The following EIF2B2 variants were observed in gnomAD, a reference collection of about 807,000 sequenced individuals.
EIF2B2 encodes the protein eukaryotic translation initiation factor 2B subunit beta, also known as translation initiation factor eIF2B subunit beta.
Under a neutral mutation model 34.7 loss-of-function variants are expected in EIF2B2, and 34 were observed. That is an observed-to-expected ratio of 0.98 (90% confidence interval 0.75 to 1.31). The LOEUF is 1.31. Ranked by LOEUF, EIF2B2 falls within the 50% of genes most tolerant of loss-of-function variation. The pLI, the probability that EIF2B2 is intolerant of heterozygous loss-of-function variation, is 0.00. For missense variants in EIF2B2, 361 were observed against 447.7 expected (o/e 0.81, Z 1.75); for synonymous variants, 155 against 171.6 (o/e 0.90, Z 0.76).
In EIF2B2 at chr14:75,012,197, TG is replaced by T. The variant is rs1181303217; in HGVS notation, c.*3011del. ...ACATCAACTCACTACCTGTCAGCCTTGGTATCAGGGGTGCCCACCTCCCACC... is the reference window on the plus strand; with the variant it reads ...ACATCAACTCACTACCTGTCAGCCTTGTATCAGGGGTGCCCACCTCCCACC... On this transcript the variant is annotated 3_prime_UTR_variant, in exon 8 of 8. Transcript: ENST00000266126. The T allele has an allele frequency of 1.3e-5, 2 of 151,932 alleles. No individual in the cohort carries two copies. Among genetic ancestry groups the T allele is most frequent in the African/African-American group, 4.8e-5 (2 of 41,252 alleles). 9.4% of individuals were successfully genotyped at this position (151,932 alleles called of 1,614,324 possible).
At position 75,006,343 on chromosome 14, in the gene EIF2B2, T is replaced by C; in HGVS notation, c.694-234T>C. ...ATGGCATCTCAATTTCCAGAAAATA[T>C]GGGACTGAGAGCAGTAGGTTTTGCA... is the stretch of plus-strand genomic sequence containing the variant. On this transcript the variant is annotated intron_variant, in intron 5 of 7. Transcript: ENST00000266126. The surrounding 1 kb of genome is among the most constrained non-coding windows in gnomAD (Gnocchi z 4.1). The C allele has an allele frequency of 3.3e-6, 2 of 611,622 alleles. No individual in the cohort carries two copies. Among genetic ancestry groups the C allele is most frequent in the Non-Finnish European group, 5.7e-6 (2 of 353,426 alleles). 37.9% of individuals were successfully genotyped at this position (611,622 alleles called of 1,614,324 possible).
In EIF2B2 at chr14:75,003,140, C is replaced by G; in HGVS notation, c.150C>G (p.Arg50=). 1 of 1,613,482 alleles carries G rather than the reference C, an allele frequency of 6.2e-7. No homozygotes were observed. Among genetic ancestry groups the G allele is most frequent in the Non-Finnish European group, 8.5e-7 (1 of 1,179,960 alleles). The part of the protein sequence containing the change: ...GLLRQIITDH[R]WSNAGELMEL... ...TGCGCCAGATCATCACGGACCACCG[C>G]TGGAGCAACGCGGGTGAGGCCGGCC... The change falls in exon 1 of 8, where the codon CGC becomes CGG. Residue 50 remains arginine (R), a synonymous_variant. Coordinates refer to ENST00000266126, the MANE Select transcript of EIF2B2 (RefSeq NM_014239.4).
Position 75,009,693 on chromosome 14 carries a change from T to C in EIF2B2, c.*505T>C, listed in dbSNP as rs1889678440. ...AGAGGGCTGTAGTTAGCGGGAAAAG[T>C]GTACAACATGGTAGTACTGGCCAGA... On this transcript the variant is annotated 3_prime_UTR_variant, in exon 8 of 8. Transcript: ENST00000266126. 4.9e-6 allele frequency: 1 copy of C among 205,896 alleles called. No individual in the cohort carries two copies. Among genetic ancestry groups the C allele is most frequent in the African/African-American group, 2.3e-5 (1 of 42,858 alleles). 12.8% of individuals were successfully genotyped at this position (205,896 alleles called of 1,614,324 possible). A position where few individuals can be genotyped will look rare whatever the true frequency, so the allele number is the denominator to read the frequency against.
chr14:75,005,813 T>C, intron 4 of EIF2B2, 53 bp from the exon 5 acceptor site: 1 of 1,385,644 alleles, frequency 7.2e-7, no homozygotes, highest in Non-Finnish European at 1.0e-6. Context: ...TGAGAGCACT[T>C]TTCACTATTT....
chr14:75,009,118 G>T lies in EIF2B2; in HGVS notation c.986G>T (p.Gly329Val), dbSNP rs113994020. 2 of 1,614,036 alleles carry T rather than the reference G, an allele frequency of 1.2e-6. No individual in the cohort carries two copies. The highest frequency in any genetic ancestry group is 2.2e-5 in the East Asian group (1 of 44,882). ...ATTACCCTCTTTATCTCCAACATTG[G>T]TGGGAATGCACCTTCCTACATCTAC... is the stretch of plus-strand genomic sequence containing the variant. ...ELITLFISNIGGNAPSYIYRL... is the reference protein window; with the variant it reads ...ELITLFISNIVGNAPSYIYRL... Residue 329 changes from glycine to valine, a missense_variant, in exon 8 of 8, where the codon GGT (glycine) becomes GTT (valine). Gly to Val is a moderately radical substitution (Grantham distance 109). Transcript: ENST00000266126.
chr14:75,008,657 GA>G (rs1889661503), intron 7 of EIF2B2, among the ~76,000 whole-genome samples: 1 of 152,210 alleles, frequency 6.6e-6, no homozygotes, highest in Admixed American at 6.5e-5. Context: ...TCCACCATAT[GA>G]AGATCATAGT....
Position 75,003,620 on chromosome 14 carries a change from A to G in EIF2B2, c.354A>G (p.Leu118=), listed in dbSNP as rs374195020. ...SLHKLLTSGG[L]NEDFSFHYAQ... ...ACAAACTGTTGACATCCGGAGGCCT[A>G]AACGAGGATTTCAGCTTCCATTATG... Residue 118 remains leucine, a synonymous_variant, in exon 3 of 8, where the codon CTA becomes CTG. Transcript: ENST00000266126. 2.5e-6 allele frequency: 4 copies of G among 1,614,224 alleles called. No individual in the cohort carries two copies. In the African/African-American group the frequency reaches 4.0e-5, roughly 16 times the overall value.
Position 75,006,193 on chromosome 14 carries a change from T to G in EIF2B2, c.693+232T>G. On this transcript the variant is annotated intron_variant, in intron 5 of 7. Transcript: ENST00000266126. This position sits in a 1 kb window ranked among gnomAD's most constrained non-coding sequence, Gnocchi z 4.1. Reference sequence around the variant, plus strand: ...GGTTGAAGCATTGAAAAGAATGAAGTATTAAATAGAACTAAGGCAAGAGTG... The same window carrying G: ...GGTTGAAGCATTGAAAAGAATGAAGGATTAAATAGAACTAAGGCAAGAGTG... 1.9e-6 allele frequency: 1 copy of G among 523,762 alleles called. No homozygotes were observed. The highest frequency in any genetic ancestry group is 3.6e-5 in the East Asian group (1 of 27,818). 32.4% of individuals were successfully genotyped at this position (523,762 alleles called of 1,614,324 possible). A position where few individuals can be genotyped will look rare whatever the true frequency, so the allele number is the denominator to read the frequency against.
At chr14:75,003,847 G>A in intron 3 of EIF2B2, 148 bp downstream of exon 3, 1 of 1,252,232 alleles carries the variant, frequency 8.0e-7, no homozygotes, top group South Asian at 1.3e-5. Flanking sequence ...AGGAAATGTT[G>A]CAACAGGTGA....
At position 75,009,198 on chromosome 14, in the gene EIF2B2, C is replaced by T. The variant is rs770918340; in HGVS notation, c.*10C>T. 1.9e-5 allele frequency: 31 copies of T among 1,613,782 alleles called. No homozygotes were observed. Among genetic ancestry groups the T allele is most frequent in the African/African-American group, 5.3e-5 (4 of 74,880 alleles). ...TGATCATGTTTTATGACCGACCACACGTGTCCTAAGCAGATTGCTTAGGCA... is the reference window on the plus strand; with the variant it reads ...TGATCATGTTTTATGACCGACCACATGTGTCCTAAGCAGATTGCTTAGGCA... On this transcript the variant is annotated 3_prime_UTR_variant, in exon 8 of 8. Transcript: ENST00000266126.
Position 75,004,813 on chromosome 14 carries a change from C to T in EIF2B2, c.510C>T (p.Phe170=), listed in dbSNP as rs1451661183. 1.9e-6 allele frequency: 3 copies of T among 1,608,038 alleles called. No individual in the cohort carries two copies. Among genetic ancestry groups the T allele is most frequent in the Non-Finnish European group, 8.5e-7 (1 of 1,177,882 alleles). The change falls in exon 4 of 8, where the codon TTC becomes TTT. Residue 170 remains phenylalanine, a synonymous_variant. Transcript: ENST00000266126. ...HSNEVIMTIG[F]SRTVEAFLKE... ...ATGAGGTGATCATGACCATTGGCTT[C>T]TCCCGAACAGTAGAGGCCTTCCTCA...
chr14:75,009,228 C>G lies in EIF2B2; in HGVS notation c.*40C>G. 2 of 1,611,642 alleles carry G rather than the reference C, an allele frequency of 1.2e-6. No individual in the cohort carries two copies. The highest frequency in any genetic ancestry group is 2.2e-5 in the East Asian group (1 of 44,858). ...CCTAAGCAGATTGCTTAGGCAGATA[C>G]AGAATGAAGAGGAGACTTGAGTGTT... On this transcript the variant is annotated 3_prime_UTR_variant, in exon 8 of 8. Transcript: ENST00000266126.
rs1046595426 is a variant in EIF2B2, at chr14:75,009,429, C to A, written c.*241C>A. ...AGGGCTTAACTTGTTGATTTTGGAG[C>A]CTCTTAGTGACCTGGTTGCGTCTGT... On this transcript the variant is annotated 3_prime_UTR_variant, in exon 8 of 8. Transcript: ENST00000266126. 5 of 526,274 alleles carry A rather than the reference C, an allele frequency of 9.5e-6. No homozygotes were observed. The highest frequency in any genetic ancestry group is 4.0e-5 in the South Asian group (2 of 50,016). The allele number at this position is 526,274 out of a possible 1,614,324, so 32.6% of individuals were successfully genotyped here.
At chr14:75,007,265 CCA>C in intron 6 of EIF2B2, 1 of 360,670 alleles carries the variant, frequency 2.8e-6, no homozygotes, top group South Asian at 2.2e-5. Context: ...TGTACAACCA[CCA>C]CTCTCTAGTT....
rs1201232785 is a variant in EIF2B2 at position 75,003,158 on chromosome 14, G to A, written c.163+5G>A. The A allele has an allele frequency of 6.2e-7, 1 of 1,613,386 alleles. No homozygotes were observed. The highest frequency in any genetic ancestry group is 2.2e-5 in the East Asian group (1 of 44,870). On this transcript the variant is annotated splice_donor_5th_base_variant and intron_variant, in intron 1 of 7. Coordinates refer to ENST00000266126, the MANE Select transcript of EIF2B2 (RefSeq NM_014239.4). ...ACCACCGCTGGAGCAACGCGGGTGAGGCCGGCCTGCCTCCGCCGGCGAACC... is the reference window on the plus strand; with the variant it reads ...ACCACCGCTGGAGCAACGCGGGTGAAGCCGGCCTGCCTCCGCCGGCGAACC...
In EIF2B2 at chr14:75,005,916, C is replaced by A; in HGVS notation, c.648C>A (p.Val216=). 6.2e-7 allele frequency: 1 copy of A among 1,613,604 alleles called. No homozygotes were observed. Among genetic ancestry groups the A allele is most frequent in the South Asian group, 1.1e-5 (1 of 91,034 alleles). ...NLSKAGIETT[V]MTDAAIFAVM... ...CCAAAGCAGGTATTGAGACAACTGT[C>A]ATGACTGATGCTGCCATTTTTGCCG... Residue 216 remains valine, a synonymous_variant, in exon 5 of 8, where the codon GTC becomes GTA. Coordinates refer to ENST00000266126, the MANE Select transcript of EIF2B2 (RefSeq NM_014239.4).
chr14:75,005,205 C>T lies in EIF2B2; in HGVS notation c.597+305C>T, dbSNP rs541480535. 2.3e-5 allele frequency: 8 copies of T among 353,560 alleles called. No individual in the cohort carries two copies. In the East Asian group the frequency reaches 4.2e-4, roughly 19 times the overall value. 21.9% of individuals were successfully genotyped at this position (353,560 alleles called of 1,614,324 possible). A position where few individuals can be genotyped will look rare whatever the true frequency, so the allele number is the denominator to read the frequency against. ...CAGCCTGGCCAACATGACAAAACCCCGTCTCCACTAAAAATACAAAAATTA... is the reference window on the plus strand; with the variant it reads ...CAGCCTGGCCAACATGACAAAACCCTGTCTCCACTAAAAATACAAAAATTA... On this transcript the variant is annotated intron_variant, in intron 4 of 7. Transcript: ENST00000266126.
At chr14:75,003,483 G>C in intron 2 of EIF2B2, 68 bp from the exon 3 acceptor site, 1 of 1,614,070 alleles carries the variant, frequency 6.2e-7, no homozygotes, top group Non-Finnish European at 8.5e-7. Flanking sequence ...TATTGGAGCT[G>C]AACAGCCCTT....
In EIF2B2 at chr14:75,003,073, C is replaced by A; in HGVS notation, c.83C>A (p.Pro28Gln). The A allele has an allele frequency of 1.2e-6, 2 of 1,614,016 alleles. No individual in the cohort carries two copies. Among genetic ancestry groups the A allele is most frequent in the Admixed American group, 1.7e-5 (1 of 60,024 alleles). The part of the protein sequence containing the change: ...FVETLKRGGG[P>Q]RSSEEMARET... Reference sequence around the variant, plus strand: ...GAGACCCTGAAGCGGGGTGGTGGGCCGCGCAGCTCCGAGGAAATGGCTCGG... The same window carrying A: ...GAGACCCTGAAGCGGGGTGGTGGGCAGCGCAGCTCCGAGGAAATGGCTCGG... The change falls in exon 1 of 8, where the codon CCG (proline) becomes CAG (glutamine). Residue 28 changes from proline (P) to glutamine (Q), a missense_variant. Transcript: ENST00000266126.
Sources: allele counts gnomAD v4.1 joint callset (sites outside exome capture counted in the v4.1 genomes callset), GRCh38; gene constraint gnomAD v4.1.1; non-coding constraint Gnocchi (gnomAD v3.1); transcripts MANE v1.5; gene names NCBI Gene and HGNC (gene_info 2026-07-23, HGNC 2026-07-21).